The following POC1B variants were observed in gnomAD, a reference collection of about 807,000 sequenced individuals.
POC1B encodes POC1 centriolar protein B.
In POC1B, 44 loss-of-function variants were observed where a neutral mutation model predicts 60.6. The observed-to-expected ratio is 0.73, with a 90% confidence interval of 0.57 to 0.93. The LOEUF (loss-of-function observed/expected upper bound fraction) is 0.93, where lower values mean the gene tolerates loss of function less well. Among genes scored for constraint, POC1B ranks in the 40% least tolerant of loss-of-function variants. The pLI is 0.00. For missense variants in POC1B, 555 were observed against 572.3 expected (o/e 0.97, Z 0.31); for synonymous variants, 180 against 198.9 (o/e 0.90, Z 0.80).
At chr12:89,479,653 C>T (rs929524696) in intron 4 of POC1B, among the ~76,000 whole-genome samples, 1 of 151,752 alleles carries the variant, frequency 6.6e-6, no homozygotes, top group Non-Finnish European at 1.5e-5. Context: ...CATCTCTGTG[C>T]GACACTGAAT....
intron 4 of POC1B, among the ~76,000 whole-genome samples, chr12:89,488,170 G>A (rs994886964): frequency 6.6e-6 from 1 of 151,952 alleles, no homozygotes; most frequent in East Asian, 1.9e-4. Context: ...CAACGACAAC[G>A]AATAAAGTAT....
rs1218951144 is a variant in POC1B, at chr12:89,478,110, CATTCATTCATTCATTT to C, written c.453-5851_453-5836del. On this transcript the variant is annotated intron_variant, in intron 4 of 11. Transcript: ENST00000313546. ...TCATTCATTCATTCATTCATTCATT[CATTCATTCATTCATTT>C]ATTGATAGACTCTTGCTCTGTAGCC... is the stretch of plus-strand genomic sequence containing the variant. 4.9e-3 allele frequency among the ~76,000 whole-genome samples: 738 copies of C among 149,162 alleles called. 2 individuals are homozygous for C. The highest frequency in any genetic ancestry group is 0.018 in the African/African-American group (692 of 38,882).
Position 89,469,419 on chromosome 12 carries a change from C to T in POC1B, c.810+942G>A, listed in dbSNP as rs578109381. Among the ~76,000 whole-genome samples, 3 of 152,284 alleles carry T rather than the reference C, an allele frequency of 2.0e-5. No homozygotes were observed. The East Asian group carries it at 5.8e-4, about 29-fold the overall frequency. On this transcript the variant is annotated intron_variant, in intron 7 of 11. Coordinates refer to ENST00000313546, the MANE Select transcript of POC1B (RefSeq NM_172240.3). ...ACATAAGAATCGAAATATCACCTTT[C>T]TTTCTAATAAATGCTTGTAAAAAGA...
downstream of POC1B, among the ~76,000 whole-genome samples, chr12:89,418,844 A>C (rs1407232810): frequency 6.6e-6 from 1 of 152,142 alleles, no homozygotes; most frequent in African/African-American, 2.4e-5. Context: ...TATGAGCCAA[A>C]TACACCTCTT....
Position 89,459,693 on chromosome 12 carries a change from T to A in POC1B, c.1058A>T (p.Asp353Val), listed in dbSNP as rs1217361548. ...VEINPKLEVIDLQISTPPVMD... is the reference protein window; with the variant it reads ...VEINPKLEVIVLQISTPPVMD... ...AACAGGGGGAGTAGAGATCTGCAAA[T>A]CGATTACCTCAAGCTTTGGATTAAT... The change falls in exon 10 of 12, where the codon GAT becomes GTT. Residue 353 changes from aspartate (D) to valine (V), a missense_variant. Transcript: ENST00000313546. The A allele has an allele frequency of 1.3e-6, 2 of 1,537,892 alleles. No individual in the cohort carries two copies. Among genetic ancestry groups the A allele is most frequent in the Admixed American group, 3.9e-5 (2 of 51,244 alleles).
At chr12:89,479,503 A>G (rs1883238935) in intron 4 of POC1B, among the ~76,000 whole-genome samples, 1 of 152,184 alleles carries the variant, frequency 6.6e-6, no homozygotes, top group African/African-American at 2.4e-5. Context: ...AGACTATACT[A>G]TTTACATTTT....
At position 89,524,139 on chromosome 12, in the gene POC1B, G is replaced by A. The variant is rs757410763; in HGVS notation, c.100+981C>T. On this transcript the variant is annotated intron_variant, in intron 2 of 11. Transcript: ENST00000313546. The stretch of plus-strand genomic sequence containing the variant: ...CGTTATAGAAAGCAATGATAACAGA[G>A]GTGGTAGGAAGTGTCCTATAGTTGA... The A allele has an allele frequency of 1.1e-5, 18 of 1,613,884 alleles. No individual in the cohort carries two copies. In the East Asian group the frequency reaches 3.1e-4, roughly 28 times the overall value.
the POC1B span, among the ~76,000 whole-genome samples, chr12:89,414,218 GT>G: frequency 1.3e-5 from 2 of 152,046 alleles, no homozygotes; most frequent in Non-Finnish European, 2.9e-5. Flanking sequence ...TGTATTTTTT[GT>G]TTTATAAGTT....
At chr12:89,501,958 G>C (rs893257907) in intron 2 of POC1B, 4 of 985,870 alleles carry the variant, frequency 4.1e-6, no homozygotes, top group East Asian at 2.4e-5. Context: ...TGAGCCATTG[G>C]AAAGTGATGA....
chr12:89,480,169 C>T (rs902142007), intron 4 of POC1B, among the ~76,000 whole-genome samples: 20 of 151,240 alleles, frequency 1.3e-4, no homozygotes, highest in Non-Finnish European at 2.7e-4. Flanking sequence ...CAAGGTCTCA[C>T]TCCATTAGTC....
At chr12:89,411,218 G>A in the POC1B span, among the ~76,000 whole-genome samples, 1 of 152,164 alleles carries the variant, frequency 6.6e-6, no homozygotes, top group African/African-American at 2.4e-5. Flanking sequence ...TAGATTCAAT[G>A]CTATTCCCAT....
chr12:89,405,597 T>C, the POC1B span, among the ~76,000 whole-genome samples: 1 of 151,702 alleles, frequency 6.6e-6, no homozygotes, highest in Admixed American at 6.6e-5. Context: ...AGCTAGTTTT[T>C]GGCTGCAAGT....
intron 2 of POC1B, among the ~76,000 whole-genome samples, chr12:89,510,831 C>T (rs1306455810): frequency 6.8e-6 from 1 of 147,934 alleles, no homozygotes; most frequent in Non-Finnish European, 1.5e-5. Context: ...AATCTCAGCT[C>T]ACTGCGGCCT....
At chr12:89,440,064 C>T (rs1272766784) in intron 10 of POC1B, among the ~76,000 whole-genome samples, 1 of 152,186 alleles carries the variant, frequency 6.6e-6, no homozygotes, top group Non-Finnish European at 1.5e-5. Flanking sequence ...CCCCCATCCC[C>T]AGCTCCTACC....
At chr12:89,502,207 G>A in intron 2 of POC1B, 1 of 1,141,010 alleles carries the variant, frequency 8.8e-7, no homozygotes, top group Non-Finnish European at 1.3e-6. Context: ...GAATAATAAT[G>A]ATGTGGATGA....
intron 2 of POC1B, chr12:89,500,726 A>G: frequency 7.8e-7 from 1 of 1,279,388 alleles, no homozygotes; most frequent in South Asian, 1.3e-5. Context: ...CTTTGAAGAT[A>G]AAGTTATTTT....
At chr12:89,433,856 T>C (rs1004382694) in intron 10 of POC1B, among the ~76,000 whole-genome samples, 1 of 152,190 alleles carries the variant, frequency 6.6e-6, no homozygotes. Flanking sequence ...AAAGCCAATG[T>C]TGACTAAGGA....
chr12:89,495,389 A>G (rs919843040), intron 3 of POC1B, among the ~76,000 whole-genome samples: 2 of 152,198 alleles, frequency 1.3e-5, no homozygotes, highest in Non-Finnish European at 2.9e-5. Flanking sequence ...GCCATCCATT[A>G]TAACATGTCA....
intron 2 of POC1B, chr12:89,521,764 T>C (rs1870898577): frequency 2.7e-6 from 1 of 364,918 alleles, no homozygotes; most frequent in Non-Finnish European, 4.9e-6. Context: ...GCTAGGAGAT[T>C]GAAAGCACCA....
Sources: allele counts gnomAD v4.1 joint callset (sites outside exome capture counted in the v4.1 genomes callset), GRCh38; gene constraint gnomAD v4.1.1; transcripts MANE v1.5; gene names NCBI Gene and HGNC (gene_info 2026-07-23, HGNC 2026-07-21).